Variants in FBXO25 observed in about 807,000 individuals in gnomAD.
FBXO25 encodes the protein F-box protein 25.
A neutral mutation model predicts 51.9 loss-of-function variants in FBXO25; 45 were observed. The observed-to-expected ratio is 0.87, with a 90% CI of 0.68 to 1.11. FBXO25 has a LOEUF of 1.11. Among genes scored for constraint, FBXO25 ranks in the 50% most tolerant of loss-of-function variants. The pLI, the probability that FBXO25 is intolerant of heterozygous loss-of-function variation, is 0.00. For synonymous variants in FBXO25, 199 were observed against 151.0 expected (o/e 1.32, Z -2.33); for missense variants, 507 against 428.5 (o/e 1.18, Z -1.62).
chr8:457,211 C>T (rs1193333483), intron 7 of FBXO25, among the ~76,000 whole-genome samples: 1 of 152,168 alleles, frequency 6.6e-6, no homozygotes, highest in African/African-American at 2.4e-5. Context: ...TAGCCTCTGT[C>T]CCGCCCAAAC....
intron 9 of FBXO25, chr8:468,044 T>G: frequency 7.9e-7 from 1 of 1,270,752 alleles, no homozygotes. Context: ...GGGCATGCCA[T>G]GGAGAGATCC....
intron 1 of FBXO25, among the ~76,000 whole-genome samples, chr8:407,951 C>A (rs543170803): frequency 6.6e-6 from 1 of 152,200 alleles, no homozygotes; most frequent in African/African-American, 2.4e-5. Context: ...AGAACCATTT[C>A]TTCCCTTATG....
At chr8:466,868 G>A (rs1013238378) in intron 9 of FBXO25, among the ~76,000 whole-genome samples, 1 of 152,222 alleles carries the variant, frequency 6.6e-6, no homozygotes, top group Non-Finnish European at 1.5e-5. Context: ...AGGGTCCACT[G>A]AGAGGGGTGG....
At chr8:418,824 A>C (rs539284208) in intron 2 of FBXO25, among the ~76,000 whole-genome samples, 1 of 152,302 alleles carries the variant, frequency 6.6e-6, no homozygotes, top group African/African-American at 2.4e-5. Flanking sequence ...GATTTTTTCA[A>C]CTGGATAAAC....
intron 1 of FBXO25, among the ~76,000 whole-genome samples, chr8:410,402 G>A (rs1471592937): frequency 6.6e-6 from 1 of 151,794 alleles, no homozygotes; most frequent in Middle Eastern, 3.4e-3. Flanking sequence ...TGGTCTGTTA[G>A]CAATATTTTT....
intron 2 of FBXO25, among the ~76,000 whole-genome samples, chr8:424,350 A>G (rs889278349): frequency 1.3e-5 from 2 of 152,156 alleles, no homozygotes; most frequent in Non-Finnish European, 2.9e-5. Context: ...CTTGCTGTGC[A>G]GAAGCTCTTT....
chr8:443,797 C>G (rs1421426165), intron 5 of FBXO25, among the ~76,000 whole-genome samples: 1 of 151,976 alleles, frequency 6.6e-6, no homozygotes, highest in African/African-American at 2.4e-5. Flanking sequence ...CTTGGTTCTG[C>G]TTTGGCTTGC....
At chr8:410,256 T>C (rs1297182208) in intron 1 of FBXO25, among the ~76,000 whole-genome samples, 4 of 152,226 alleles carry the variant, frequency 2.6e-5, no homozygotes, top group Admixed American at 6.5e-5. Context: ...ATTACACTTG[T>C]ATGGAATTTG....
rs796511798 is a variant in FBXO25, at chr8:474,426, C to G, written c.*5622C>G. The stretch of plus-strand genomic sequence containing the variant: ...GGGTGTGCAAATATCTGAGTCTCTG[C>G]TTTCAATCATATGGCAATCCTATGT... On this transcript the variant is annotated 3_prime_UTR_variant, in exon 10 of 10. Coordinates refer to ENST00000350302, the MANE Select transcript of FBXO25 (RefSeq NM_183420.2). 1 of 292,294 alleles carries G rather than the reference C, an allele frequency of 3.4e-6. No homozygotes were observed. Among genetic ancestry groups the G allele is most frequent in the East Asian group, 1.0e-4 (1 of 9,774 alleles). 18.1% of individuals were successfully genotyped at this position (292,294 alleles called of 1,614,324 possible).
At chr8:438,467 A>G (rs2117687080) in intron 5 of FBXO25, among the ~76,000 whole-genome samples, 1 of 152,352 alleles carries the variant, frequency 6.6e-6, no homozygotes, top group East Asian at 1.9e-4. Context: ...AAAAGTTAGT[A>G]GTAGAATTTA....
rs374264911 is a variant in FBXO25 at position 468,705 on chromosome 8, C to T, written c.988-10C>T. 1 of 1,612,716 alleles carries T rather than the reference C, an allele frequency of 6.2e-7. No homozygotes were observed. Among genetic ancestry groups the T allele is most frequent in the Non-Finnish European group, 8.5e-7 (1 of 1,179,266 alleles). On this transcript the variant is annotated splice_polypyrimidine_tract_variant and intron_variant, in intron 9 of 9. Transcript: ENST00000350302. ...GGGCCCCCTCCTAACCATCTCCCAC[C>T]TCCCCACAGGACTCAGGACACCCCT...
chr8:467,736 T>C (rs1295552687), intron 9 of FBXO25: 1 of 1,614,132 alleles, frequency 6.2e-7, no homozygotes, highest in South Asian at 1.1e-5. Flanking sequence ...CATCTTGCTT[T>C]ACTATTCAAG....
intron 2 of FBXO25, among the ~76,000 whole-genome samples, chr8:416,225 T>G (rs1413135976): frequency 6.6e-6 from 1 of 152,238 alleles, no homozygotes; most frequent in Non-Finnish European, 1.5e-5. Context: ...GCTCTACTCC[T>G]CTTTGTGTTA....
At chr8:442,670 G>A (rs3857918) in intron 5 of FBXO25, among the ~76,000 whole-genome samples, 65,537 of 151,652 alleles carry the variant, frequency 0.43, 14,691 homozygotes, top group African/African-American at 0.57. Flanking sequence ...GGGTTTTGCC[G>A]TATGGGTCAG....
intron 9 of FBXO25, chr8:467,860 T>G (rs1055796588): frequency 1.3e-6 from 2 of 1,588,366 alleles, no homozygotes; most frequent in African/African-American, 2.7e-5. Flanking sequence ...TCTCGCTGAC[T>G]TGAGCTTTCT....
At chr8:459,231 A>T (rs1198253573) in intron 8 of FBXO25, among the ~76,000 whole-genome samples, 2 of 152,210 alleles carry the variant, frequency 1.3e-5, no homozygotes, top group Non-Finnish European at 2.9e-5. Flanking sequence ...GGAGGGAGGC[A>T]TGTTGTGCTC....
intron 8 of FBXO25, among the ~76,000 whole-genome samples, chr8:460,732 G>C (rs753111662): frequency 3.9e-5 from 6 of 152,196 alleles, no homozygotes; most frequent in Non-Finnish European, 7.3e-5. Context: ...GACAACAAAC[G>C]GTTGTTTTTA....
intron 7 of FBXO25, among the ~76,000 whole-genome samples, chr8:455,181 G>T (rs1419534124): frequency 6.6e-6 from 1 of 152,206 alleles, no homozygotes; most frequent in African/African-American, 2.4e-5. Flanking sequence ...AGGTGCAGGG[G>T]ATTAGGACCA....
intron 7 of FBXO25, among the ~76,000 whole-genome samples, chr8:453,480 C>T (rs145322655): frequency 3.9e-5 from 6 of 152,220 alleles, no homozygotes; most frequent in African/African-American, 1.2e-4. Context: ...GGGAATGTTA[C>T]TTGAAACCAG....
Sources: allele counts gnomAD v4.1 joint callset (sites outside exome capture counted in the v4.1 genomes callset), GRCh38; gene constraint gnomAD v4.1.1; transcripts MANE v1.5; gene names NCBI Gene and HGNC (gene_info 2026-07-23, HGNC 2026-07-21).